Variants in LAMA2 observed in about 807,000 individuals in gnomAD.
The protein encoded by LAMA2 is laminin subunit alpha 2, also known as laminin subunit alpha-2.
In LAMA2, 269 loss-of-function variants were observed where a neutral mutation model predicts 364.8. That is an observed-to-expected ratio of 0.74 (90% confidence interval 0.67 to 0.82). LAMA2 has a LOEUF of 0.82. Ranked by LOEUF, LAMA2 falls within the 40% of genes least tolerant of loss-of-function variation. LAMA2 has a pLI of 0.00. For missense variants in LAMA2, 3,807 were observed against 3,873.2 expected (o/e 0.98, Z 0.45); for synonymous variants, 1,379 against 1,370.6 (o/e 1.01, Z -0.14).
At chr6:129,447,760 G>T (rs533095702) in intron 45 of LAMA2, among the ~76,000 whole-genome samples, 1 of 152,162 alleles carries the variant, frequency 6.6e-6, no homozygotes, top group African/African-American at 2.4e-5. Context: ...AAAGAAGAAC[G>T]TGATGTACCA....
At chr6:129,058,570 G>T (rs1317758867) in intron 2 of LAMA2, among the ~76,000 whole-genome samples, 3 of 152,172 alleles carry the variant, frequency 2.0e-5, no homozygotes, top group Admixed American at 2.0e-4. Context: ...TCCTCCACTA[G>T]AGTTAGTGAT....
At chr6:129,066,040 T>TG (rs1314261940) in intron 3 of LAMA2, among the ~76,000 whole-genome samples, 11,688 of 29,198 alleles carry the variant, frequency 0.4, 2,900 homozygotes, top group East Asian at 0.72. Context: ...AGTCTCAGGT[T>TG]TTTTTTTTTT....
chr6:129,228,182 C>T (rs970496499), intron 12 of LAMA2, among the ~76,000 whole-genome samples: 55 of 152,240 alleles, frequency 3.6e-4, no homozygotes, highest in African/African-American at 1.1e-3. Flanking sequence ...ATTGGAAAAG[C>T]GTGGTATTAG....
chr6:129,408,253 C>G (rs1332467919), intron 40 of LAMA2, among the ~76,000 whole-genome samples: 1 of 152,096 alleles, frequency 6.6e-6, no homozygotes, highest in Admixed American at 6.5e-5. Context: ...GCATACACAG[C>G]CTTCTGGAGA....
intron 29 of LAMA2, among the ~76,000 whole-genome samples, chr6:129,335,230 G>A (rs1355534153): frequency 1.3e-5 from 2 of 152,112 alleles, no homozygotes; most frequent in African/African-American, 4.8e-5. Flanking sequence ...GAATAGCTCA[G>A]TGACATTGCT....
intron 16 of LAMA2, among the ~76,000 whole-genome samples, chr6:129,270,157 A>G (rs1029539812): frequency 2.6e-5 from 4 of 152,012 alleles, no homozygotes; most frequent in Admixed American, 6.6e-5. Context: ...GAGGATTTCT[A>G]TGATTAGCCA....
At chr6:129,319,314 A>C (rs538558038) in intron 27 of LAMA2, among the ~76,000 whole-genome samples, 1 of 152,332 alleles carries the variant, frequency 6.6e-6, no homozygotes, top group South Asian at 2.1e-4. Flanking sequence ...TGTTTGCAAG[A>C]ATATAAATGT....
At chr6:129,062,264 C>T (rs1788971897) in intron 3 of LAMA2, among the ~76,000 whole-genome samples, 1 of 152,152 alleles carries the variant, frequency 6.6e-6, no homozygotes, top group South Asian at 2.1e-4. Flanking sequence ...ATTCCTATTG[C>T]ATAGTTGAAG....
chr6:129,456,447 G>T lies in LAMA2; in HGVS notation c.6820G>T (p.Asp2274Tyr). The T allele has an allele frequency of 1.2e-6, 2 of 1,613,572 alleles. No individual in the cohort carries two copies. The highest frequency in any genetic ancestry group is 1.7e-6 in the Non-Finnish European group (2 of 1,179,644). ...TCCAGGGTACACGATTCTAGATGTG[G>T]ATGCAAATGCAATGCTGTTTGTTGG... ...SPPGYTILDV[D>Y]ANAMLFVGGL... The change falls in exon 48 of 65, where the codon GAT (aspartate) becomes TAT (tyrosine). Residue 2274 changes from aspartate to tyrosine, a missense_variant. Asp to Tyr is a radical substitution (Grantham distance 160). Transcript: ENST00000421865.
intron 1 of LAMA2, among the ~76,000 whole-genome samples, chr6:128,968,746 C>A (rs1397336844): frequency 6.6e-6 from 1 of 151,930 alleles, no homozygotes; most frequent in Non-Finnish European, 1.5e-5. Flanking sequence ...ATAAGGGCAG[C>A]CAGGGTAAGG....
chr6:129,439,851 T>TATATATA (rs1234507519), intron 42 of LAMA2, among the ~76,000 whole-genome samples: 2 of 145,720 alleles, frequency 1.4e-5, no homozygotes, highest in African/African-American at 5.3e-5. Context: ...TATATATATC[T>TATATATA]ATCTCAATTG....
chr6:129,321,975 C>T (rs1208074002), intron 28 of LAMA2, among the ~76,000 whole-genome samples: 3 of 152,148 alleles, frequency 2.0e-5, no homozygotes, highest in Non-Finnish European at 2.9e-5. Context: ...GGGTTTTTAC[C>T]TATACATCCT....
chr6:129,334,960 C>T (rs1775864439), intron 29 of LAMA2, among the ~76,000 whole-genome samples: 4 of 152,106 alleles, frequency 2.6e-5, no homozygotes, highest in Admixed American at 1.3e-4. Flanking sequence ...GTTGTTCAGG[C>T]CATAGCAAGC....
At position 129,478,210 on chromosome 6, in the gene LAMA2, G is replaced by GCTAT. The variant is rs1243079507; in HGVS notation, c.7452-480_7452-477dup. The stretch of plus-strand genomic sequence containing the variant: ...ATATGTAATATTATCTTATTTTTTA[G>GCTAT]CTATCTCCCAAGAAAAAGCCTCAAA... On this transcript the variant is annotated intron_variant, in intron 53 of 64. Coordinates refer to ENST00000421865, the MANE Select transcript of LAMA2 (RefSeq NM_000426.4). 5.9e-5 allele frequency among the ~76,000 whole-genome samples: 9 copies of GCTAT among 151,864 alleles called. No individual in the cohort carries two copies. In the East Asian group the frequency reaches 7.7e-4, roughly 13 times the overall value.
intron 18 of LAMA2, among the ~76,000 whole-genome samples, chr6:129,283,950 A>G (rs1218868157): frequency 6.6e-6 from 1 of 152,052 alleles, no homozygotes; most frequent in Non-Finnish European, 1.5e-5. Flanking sequence ...GGCCACTCAT[A>G]TGTGGTTGTG....
chr6:129,216,947 T>C (rs1010308680), intron 12 of LAMA2, among the ~76,000 whole-genome samples: 2 of 152,080 alleles, frequency 1.3e-5, no homozygotes, highest in African/African-American at 4.8e-5. Context: ...TCCCAGCATT[T>C]TGGGAGGCTG....
chr6:129,413,083 G>T (rs1780615091), intron 40 of LAMA2, among the ~76,000 whole-genome samples: 1 of 152,098 alleles, frequency 6.6e-6, no homozygotes, highest in African/African-American at 2.4e-5. Context: ...CAAATCTTAG[G>T]GGAACAGAAA....
chr6:128,991,249 G>A (rs1024622499), intron 1 of LAMA2, among the ~76,000 whole-genome samples: 6 of 151,792 alleles, frequency 4.0e-5, no homozygotes, highest in South Asian at 2.1e-4. Flanking sequence ...TTCCCCCTCC[G>A]GAGAACGATG....
chr6:129,014,189 C>G (rs188996554), intron 1 of LAMA2, among the ~76,000 whole-genome samples: 3 of 152,202 alleles, frequency 2.0e-5, no homozygotes, highest in African/African-American at 7.2e-5. Context: ...TTTTAGGCAC[C>G]TTTTAGACAT....
Sources: gnomAD v4.1 joint callset for allele counts (sites outside exome capture counted in the v4.1 genomes callset) on GRCh38, gnomAD v4.1.1 for gene constraint, MANE v1.5 for transcripts, NCBI Gene and HGNC (gene_info 2026-07-23, HGNC 2026-07-21) for gene names.